The following EDIL3 variants were observed in gnomAD, a reference collection of about 807,000 sequenced individuals.
The protein encoded by EDIL3 is EGF-like repeat and discoidin I-like domain-containing protein 3.
Under a neutral mutation model 67.4 loss-of-function variants are expected in EDIL3, and 37 were observed. The observed-to-expected ratio is 0.55, with a 90% CI of 0.42 to 0.72. The LOEUF is 0.72. EDIL3 is among the 30% of genes least tolerant of loss of function. EDIL3 has a pLI of 0.00. For synonymous variants in EDIL3, 195 were observed against 196.3 expected (o/e 0.99, Z 0.05); for missense variants, 527 against 586.3 (o/e 0.90, Z 1.04).
rs182696819 is a variant in EDIL3, at chr5:83,964,856, C to T, written c.1138-1496G>A. Among the ~76,000 whole-genome samples the T allele has an allele frequency of 3.4e-3, 514 of 152,038 alleles. 3 individuals carry two copies. The highest frequency in any genetic ancestry group is 0.012 in the African/African-American group (495 of 41,502). On this transcript the variant is annotated intron_variant, in intron 9 of 10. Coordinates refer to ENST00000296591, the MANE Select transcript of EDIL3 (RefSeq NM_005711.5). ...ATATTATCTAAAATGTCTTGTGTGTCCAGCAGTAATGCAGGATGGCAAAAC... is the reference window on the plus strand; with the variant it reads ...ATATTATCTAAAATGTCTTGTGTGTTCAGCAGTAATGCAGGATGGCAAAAC...
chr5:84,331,763 T>C (rs2112166539), intron 1 of EDIL3, among the ~76,000 whole-genome samples: 1 of 152,348 alleles, frequency 6.6e-6, no homozygotes, highest in Middle Eastern at 3.4e-3. Context: ...TTAAATTTAA[T>C]ACTGGGATCA....
At chr5:84,255,963 T>C (rs551608358) in intron 1 of EDIL3, among the ~76,000 whole-genome samples, 1 of 152,300 alleles carries the variant, frequency 6.6e-6, no homozygotes, top group African/African-American at 2.4e-5. Context: ...AAGGAATCAA[T>C]GAGAGAGTGT....
At chr5:84,075,890 G>GCGCACACACA (rs376573495) in intron 6 of EDIL3, among the ~76,000 whole-genome samples, 2 of 144,970 alleles carry the variant, frequency 1.4e-5, no homozygotes, top group Admixed American at 1.4e-4. Flanking sequence ...AAGTGTGCAC[G>GCGCACACACA]CACACACACA....
chr5:84,046,671 C>T (rs1746229544), intron 9 of EDIL3, among the ~76,000 whole-genome samples: 1 of 152,148 alleles, frequency 6.6e-6, no homozygotes, highest in Admixed American at 6.5e-5. Context: ...CTAAATTTTA[C>T]TCATTGGCAT....
At chr5:84,049,915 C>T (rs1161039370) in intron 9 of EDIL3, among the ~76,000 whole-genome samples, 1 of 152,010 alleles carries the variant, frequency 6.6e-6, no homozygotes, top group Non-Finnish European at 1.5e-5. Flanking sequence ...AAAAAAATCA[C>T]ACGGCCGGGC....
intron 1 of EDIL3, among the ~76,000 whole-genome samples, chr5:84,334,107 C>T (rs910200944): frequency 6.7e-6 from 1 of 149,070 alleles, no homozygotes; most frequent in African/African-American, 2.5e-5. Context: ...GCTCTTGTCA[C>T]TCAGGTGGGA....
At chr5:83,958,815 T>C (rs1040196071) in intron 10 of EDIL3, among the ~76,000 whole-genome samples, 20 of 151,416 alleles carry the variant, frequency 1.3e-4, no homozygotes, top group Non-Finnish European at 3.0e-4. Flanking sequence ...TCCAAGTGTA[T>C]AAAACAAATG....
At chr5:84,374,785 T>G (rs189327349) in intron 1 of EDIL3, among the ~76,000 whole-genome samples, 2 of 152,186 alleles carry the variant, frequency 1.3e-5, no homozygotes, top group Non-Finnish European at 2.9e-5. Context: ...TTAGATGGTT[T>G]TATAAGTGTT....
chr5:83,964,311 T>C (rs1744655076), intron 9 of EDIL3, among the ~76,000 whole-genome samples: 1 of 151,936 alleles, frequency 6.6e-6, no homozygotes, highest in African/African-American at 2.4e-5. Context: ...CTTTGCCTTT[T>C]ATGTTTATGT....
At chr5:84,100,921 A>G (rs532516584) in intron 6 of EDIL3, among the ~76,000 whole-genome samples, 8 of 152,184 alleles carry the variant, frequency 5.3e-5, no homozygotes, top group African/African-American at 1.9e-4. Context: ...AAATTATAGA[A>G]CATGAGAACT....
At chr5:84,042,636 C>A (rs1259277473) in intron 9 of EDIL3, among the ~76,000 whole-genome samples, 2 of 152,054 alleles carry the variant, frequency 1.3e-5, no homozygotes, top group Non-Finnish European at 1.5e-5. Flanking sequence ...AACAGGCACA[C>A]CCCTGCTTCC....
Position 84,149,873 on chromosome 5 carries a change from T to A in EDIL3, c.356-12519A>T, listed in dbSNP as rs529719344. Among the ~76,000 whole-genome samples the A allele has an allele frequency of 7.1e-4, 108 of 151,820 alleles. 2 individuals carry two copies. The highest frequency in any genetic ancestry group is 4.0e-3 in the Admixed American group (61 of 15,228). ...TTAGACATGCAAAAATAAAAAAAAA[T>A]TTTAGACGTTTTAAGACATACCAAT... On this transcript the variant is annotated intron_variant, in intron 4 of 10. Coordinates refer to ENST00000296591, the MANE Select transcript of EDIL3 (RefSeq NM_005711.5).
intron 2 of EDIL3, among the ~76,000 whole-genome samples, chr5:84,249,056 C>T (rs1367160460): frequency 2.0e-5 from 3 of 152,150 alleles, no homozygotes; most frequent in Admixed American, 2.0e-4. Context: ...TGCCACTTGT[C>T]ACCATCCTCA....
At chr5:84,261,868 C>T (rs1004201500) in intron 1 of EDIL3, among the ~76,000 whole-genome samples, 1 of 152,108 alleles carries the variant, frequency 6.6e-6, no homozygotes, top group Admixed American at 6.5e-5. Flanking sequence ...ATTTTTAAGA[C>T]ATTTTTCTTT....
intron 9 of EDIL3, among the ~76,000 whole-genome samples, chr5:83,995,363 A>T (rs1225513094): frequency 1.3e-5 from 2 of 152,160 alleles, no homozygotes. Context: ...GAAGGCATTT[A>T]TTCCACGAGG....
chr5:83,943,849 T>C (rs1363539013), intron 10 of EDIL3, among the ~76,000 whole-genome samples: 2 of 151,992 alleles, frequency 1.3e-5, no homozygotes, highest in East Asian at 3.9e-4. Context: ...CAACAGGTAT[T>C]CATTTTTTGC....
At chr5:84,227,950 T>A (rs919158728) in intron 3 of EDIL3, among the ~76,000 whole-genome samples, 1 of 151,944 alleles carries the variant, frequency 6.6e-6, no homozygotes, top group African/African-American at 2.4e-5. Flanking sequence ...GGGTGTAGGT[T>A]GAAAATCTAC....
At position 84,060,617 on chromosome 5, in the gene EDIL3, C is replaced by CA. The variant is rs553670570; in HGVS notation, c.953-134dup. ...CCTCCAAAGAGAAAACATCTAAATC[C>CA]AAAAAAAAGCTATAATCAGAAATAA... is the stretch of plus-strand genomic sequence containing the variant. On this transcript the variant is annotated intron_variant, in intron 8 of 10. Transcript: ENST00000296591. The CA allele has an allele frequency of 9.7e-4, 892 of 915,440 alleles. 4 individuals carry two copies. The highest frequency in any genetic ancestry group is 3.4e-3 in the South Asian group (176 of 51,568). The allele number at this position is 915,440 out of a possible 1,614,324, so 56.7% of individuals were successfully genotyped here.
At chr5:84,281,620 G>A (rs1296958506) in intron 1 of EDIL3, among the ~76,000 whole-genome samples, 1 of 152,110 alleles carries the variant, frequency 6.6e-6, no homozygotes, top group Non-Finnish European at 1.5e-5. Flanking sequence ...TTCTGCATGG[G>A]CAGTTGTGTG....
Sources: allele counts gnomAD v4.1 joint callset (sites outside exome capture counted in the v4.1 genomes callset), GRCh38; gene constraint gnomAD v4.1.1; transcripts MANE v1.5; gene names NCBI Gene and HGNC (gene_info 2026-07-23, HGNC 2026-07-21).